Variants in GPR39 observed in about 807,000 individuals in gnomAD.
GPR39 encodes the protein G protein-coupled receptor 39, also known as zinc sensing receptor.
In GPR39, 23 loss-of-function variants were observed where a neutral mutation model predicts 18.4. That is an observed-to-expected ratio of 1.25 (90% CI 0.90 to 1.77). GPR39 has a LOEUF of 1.77. GPR39 is among the 40% of genes most tolerant of loss of function. GPR39 has a pLI of 0.00. For missense variants in GPR39, 647 were observed against 602.4 expected, an observed-to-expected ratio of 1.07 and a Z score of -0.78; for synonymous variants, 280 against 257.9, an observed-to-expected ratio of 1.09 and a Z score of -0.82.
intron 1 of GPR39, among the ~76,000 whole-genome samples, chr2:132,505,891 A>G (rs141778367): frequency 5.3e-5 from 8 of 152,306 alleles, no homozygotes; most frequent in African/African-American, 7.2e-5. Context: ...TGATACACCA[A>G]CTTCTGTTCC....
chr2:132,559,146 A>G (rs1366692025), intron 1 of GPR39, among the ~76,000 whole-genome samples: 1 of 152,240 alleles, frequency 6.6e-6, no homozygotes, highest in Non-Finnish European at 1.5e-5. Context: ...AGTAATTAAT[A>G]AACTTCCAAT....
At chr2:132,542,627 G>A (rs1679881423) in intron 1 of GPR39, among the ~76,000 whole-genome samples, 1 of 152,168 alleles carries the variant, frequency 6.6e-6, no homozygotes, top group Non-Finnish European at 1.5e-5. Flanking sequence ...TTAATACAGG[G>A]ACTGGTGAGT....
chr2:132,426,825 G>A (rs1470567922), intron 1 of GPR39, among the ~76,000 whole-genome samples: 1 of 152,018 alleles, frequency 6.6e-6, no homozygotes, highest in Non-Finnish European at 1.5e-5. Context: ...CAGACAGATC[G>A]GGAGGCAAGG....
chr2:132,500,954 T>C (rs189177056), intron 1 of GPR39, among the ~76,000 whole-genome samples: 4 of 152,194 alleles, frequency 2.6e-5, no homozygotes, highest in Admixed American at 2.0e-4. Flanking sequence ...TTGAGCTTAT[T>C]TGGATCTTCT....
intron 1 of GPR39, among the ~76,000 whole-genome samples, chr2:132,584,883 T>C (rs1429820228): frequency 6.6e-6 from 1 of 152,162 alleles, no homozygotes; most frequent in Non-Finnish European, 1.5e-5. Context: ...TTATGGACTT[T>C]TAACAGTGAG....
intron 1 of GPR39, among the ~76,000 whole-genome samples, chr2:132,492,500 A>G (rs1014836711): frequency 1.4e-5 from 2 of 143,772 alleles, no homozygotes; most frequent in African/African-American, 5.0e-5. Context: ...CACCATATAT[A>G]CACACCATAT....
chr2:132,591,742 C>T (rs912876643), intron 1 of GPR39, among the ~76,000 whole-genome samples: 3 of 152,190 alleles, frequency 2.0e-5, no homozygotes, highest in African/African-American at 7.2e-5. Context: ...CAAAGATCAA[C>T]ATCACAATGG....
intron 1 of GPR39, among the ~76,000 whole-genome samples, chr2:132,625,507 C>T (rs187453950): frequency 9.9e-5 from 15 of 152,240 alleles, no homozygotes; most frequent in Non-Finnish European, 2.1e-4. Context: ...GACTTCTCGG[C>T]ACATAGTGCA....
At chr2:132,430,235 A>C (rs1272501474) in intron 1 of GPR39, among the ~76,000 whole-genome samples, 1 of 152,212 alleles carries the variant, frequency 6.6e-6, no homozygotes, top group Non-Finnish European at 1.5e-5. Context: ...ACTATTAAAA[A>C]TGCCCTACTC....
At position 132,449,269 on chromosome 2, in the gene GPR39, A is replaced by G. The variant is rs183128776; in HGVS notation, c.856+31371A>G. Reference sequence around the variant, plus strand: ...TTTGTTTGTTTTGTTTTGTTTTGAGACAGAGTCTCGCTCTGTCACGCAGGC... The same window carrying G: ...TTTGTTTGTTTTGTTTTGTTTTGAGGCAGAGTCTCGCTCTGTCACGCAGGC... On this transcript the variant is annotated intron_variant, in intron 1 of 1. Coordinates refer to ENST00000329321, the MANE Select transcript of GPR39 (RefSeq NM_001508.3). Among the ~76,000 whole-genome samples, 37 of 134,506 alleles carry G rather than the reference A, an allele frequency of 2.8e-4. No homozygotes were observed. The East Asian group carries it at 6.8e-3, about 25-fold the overall frequency. 88.2% of individuals were successfully genotyped at this position (134,506 alleles called of 152,430 possible).
intron 1 of GPR39, among the ~76,000 whole-genome samples, chr2:132,544,422 C>G (rs1399709501): frequency 1.3e-5 from 2 of 152,212 alleles, no homozygotes; most frequent in Non-Finnish European, 2.9e-5. Flanking sequence ...CCCAGGCCAG[C>G]TGGATTGGGG....
chr2:132,459,633 C>T (rs1295678071), intron 1 of GPR39, among the ~76,000 whole-genome samples: 1 of 152,188 alleles, frequency 6.6e-6, no homozygotes, highest in African/African-American at 2.4e-5. Context: ...GCATGTCACT[C>T]CATGTTGTAG....
chr2:132,492,742 C>T (rs1397253059), intron 1 of GPR39, among the ~76,000 whole-genome samples: 2 of 138,108 alleles, frequency 1.4e-5, no homozygotes, highest in East Asian at 4.4e-4. Context: ...TATATATACA[C>T]ACCATGTATA....
chr2:132,429,038 A>G (rs62167385), intron 1 of GPR39, among the ~76,000 whole-genome samples: 31,508 of 152,122 alleles, frequency 0.21, 3,381 homozygotes, highest in African/African-American at 0.23. Context: ...CCTATTGCCA[A>G]TTCTGCTCTA....
Position 132,428,638 on chromosome 2 carries a change from A to T in GPR39, c.856+10740A>T, listed in dbSNP as rs181676679. 5.4e-3 allele frequency among the ~76,000 whole-genome samples: 830 copies of T among 152,344 alleles called. 8 individuals are homozygous for T. Among genetic ancestry groups the T allele is most frequent in the Non-Finnish European group, 7.9e-3 (539 of 68,028 alleles). On this transcript the variant is annotated intron_variant, in intron 1 of 1. Transcript: ENST00000329321. Reference sequence around the variant, plus strand: ...CCCTACCAGTTGAATTGTAATCTGCATTGTAAGCAGATCCCTGGAATACCT... The same window carrying T: ...CCCTACCAGTTGAATTGTAATCTGCTTTGTAAGCAGATCCCTGGAATACCT...
At chr2:132,420,408 T>A (rs4414734) in intron 1 of GPR39, among the ~76,000 whole-genome samples, 58,348 of 152,058 alleles carry the variant, frequency 0.38, 12,007 homozygotes, top group African/African-American at 0.55. Context: ...TCAGATTAAT[T>A]CAATGCAATT....
At chr2:132,561,458 C>G (rs899766562) in intron 1 of GPR39, among the ~76,000 whole-genome samples, 4 of 152,160 alleles carry the variant, frequency 2.6e-5, no homozygotes, top group Admixed American at 6.5e-5. Flanking sequence ...AGATTACTGC[C>G]TTTGTCGTCA....
rs1416181505 is a variant in GPR39 at position 132,417,459 on chromosome 2, C to A, written c.417C>A (p.His139Gln). The A allele has an allele frequency of 6.2e-7, 1 of 1,614,192 alleles. No individual in the cohort carries two copies. The highest frequency in any genetic ancestry group is 1.1e-5 in the South Asian group (1 of 91,084). Residue 139 changes from histidine to glutamine, a missense_variant, in exon 1 of 2, where the codon CAC becomes CAA. Physicochemically the swap from His to Gln is conservative, Grantham distance 24. Around this residue, in one of 3 missense-constraint regions of GPR39, gnomAD observed 581 missense variants for 506.8 expected, o/e 1.15. Coordinates refer to ENST00000329321, the MANE Select transcript of GPR39 (RefSeq NM_001508.3). ...LSFERYIAIC[H>Q]PFRYKAVSGP... ...TTGAGCGCTACATCGCCATCTGTCACCCCTTCAGGTACAAGGCTGTGTCGG... is the reference window on the plus strand; with the variant it reads ...TTGAGCGCTACATCGCCATCTGTCAACCCTTCAGGTACAAGGCTGTGTCGG...
chr2:132,428,115 G>A (rs1377886949), intron 1 of GPR39, among the ~76,000 whole-genome samples: 1 of 151,846 alleles, frequency 6.6e-6, no homozygotes, highest in Non-Finnish European at 1.5e-5. Context: ...AAAAACTTCT[G>A]TAGGAACTAG....
Sources: gnomAD v4.1 joint callset for allele counts (sites outside exome capture counted in the v4.1 genomes callset) on GRCh38, gnomAD v4.1.1 for gene constraint, gnomAD v4.1.1 regional missense constraint, MANE v1.5 for transcripts, NCBI Gene and HGNC (gene_info 2026-07-23, HGNC 2026-07-21) for gene names.